Variants in CTNNAL1 observed in about 807,000 individuals in gnomAD.
CTNNAL1 encodes the protein catenin alpha like 1.
Under a neutral mutation model 93.6 loss-of-function variants are expected in CTNNAL1, and 69 were observed. The ratio of observed to expected loss-of-function variants is 0.74; its 90% CI spans 0.61 to 0.90. The LOEUF is 0.90. Among genes scored for constraint, CTNNAL1 ranks in the 40% least tolerant of loss-of-function variants. The pLI is 0.00. For missense variants in CTNNAL1, 836 were observed against 862.0 expected (o/e 0.97, Z 0.38); for synonymous variants, 286 against 305.4 (o/e 0.94, Z 0.66).
At chr9:108,996,774 C>G (rs1194845355) in intron 2 of CTNNAL1, among the ~76,000 whole-genome samples, 3 of 151,896 alleles carry the variant, frequency 2.0e-5, no homozygotes, top group Non-Finnish European at 2.9e-5. Flanking sequence ...AATATGAAGA[C>G]CATCTCTACA....
rs559800686 is a variant in CTNNAL1, at chr9:108,998,961, T to A, written c.331+106A>T. 67 of 1,312,486 alleles carry A rather than the reference T, an allele frequency of 5.1e-5. No individual in the cohort carries two copies. In the African/African-American group the frequency reaches 9.2e-4, roughly 18 times the overall value. The allele number at this position is 1,312,486 out of a possible 1,614,324, so 81.3% of individuals were successfully genotyped here. On this transcript the variant is annotated intron_variant, in intron 2 of 18. Transcript: ENST00000325551. ...AGGCCTTTAATGTCTGAGGCAGACA[T>A]AATCAAAGAGCTGTATATCTTTATT...
intron 10 of CTNNAL1, among the ~76,000 whole-genome samples, chr9:108,967,041 C>T (rs1262176272): frequency 6.6e-6 from 1 of 152,210 alleles, no homozygotes; most frequent in Non-Finnish European, 1.5e-5. Context: ...CTACCACTTT[C>T]ACCTTCTATT....
intron 8 of CTNNAL1, 35 bp from the exon 9 acceptor site, chr9:108,972,868 G>GGGGGGGCCCCCATGGGT: frequency 9.2e-7 from 1 of 1,092,792 alleles, no homozygotes; most frequent in Non-Finnish European, 1.2e-6. Flanking sequence ...GGGTGGGAGG[G>GGGGGGGCCCCCATGGGT]TGGAGAAGGA....
chr9:108,965,524 A>G lies in CTNNAL1; in HGVS notation c.1445T>C (p.Ile482Thr). ...ETFQVTGQQI[I>T]SAAETLTLHP... ...CAATGTCAATGTTTCAGCAGCAGAA[A>G]TTATCTAAAGAAACACAATATACAC... The change falls in exon 11 of 19, where the codon ATT becomes ACT. Residue 482 changes from isoleucine (I) to threonine (T), a missense_variant. Ile to Thr is a moderately conservative substitution (Grantham distance 89). Coordinates refer to ENST00000325551, the MANE Select transcript of CTNNAL1 (RefSeq NM_003798.4). 3.9e-6 allele frequency: 6 copies of G among 1,554,980 alleles called. No homozygotes were observed. The highest frequency in any genetic ancestry group is 5.2e-6 in the Non-Finnish European group (6 of 1,149,204).
chr9:108,951,030 G>T (rs1329886887), intron 14 of CTNNAL1, among the ~76,000 whole-genome samples: 1 of 151,664 alleles, frequency 6.6e-6, no homozygotes, highest in African/African-American at 2.4e-5. Context: ...TTATTTTTGA[G>T]ATGGAGTCTC....
intron 8 of CTNNAL1, among the ~76,000 whole-genome samples, chr9:108,974,777 T>C (rs891098772): frequency 1.3e-5 from 2 of 152,066 alleles, no homozygotes; most frequent in South Asian, 2.1e-4. Flanking sequence ...CAGTGAGCCA[T>C]GTTCACACCA....
chr9:108,972,653 CT>C, intron 9 of CTNNAL1, 21 bp downstream of exon 9: 1 of 1,592,248 alleles, frequency 6.3e-7, no homozygotes, highest in Non-Finnish European at 8.5e-7. Flanking sequence ...ACTACAATTT[CT>C]TTAGCACCTT....
intron 4 of CTNNAL1, among the ~76,000 whole-genome samples, chr9:108,989,259 G>A (rs536306237): frequency 2.0e-5 from 3 of 152,250 alleles, no homozygotes; most frequent in African/African-American, 2.4e-5. Flanking sequence ...CTCATGCCAC[G>A]CTTGCTCAAG....
At chr9:109,011,151 T>C (rs1827191722) in intron 1 of CTNNAL1, among the ~76,000 whole-genome samples, 1 of 152,232 alleles carries the variant, frequency 6.6e-6, no homozygotes. Context: ...CTCCTAACAC[T>C]GAAACTTTAA....
At chr9:109,001,097 A>T (rs1164778663) in intron 1 of CTNNAL1, among the ~76,000 whole-genome samples, 4 of 144,728 alleles carry the variant, frequency 2.8e-5, no homozygotes, top group Non-Finnish European at 6.0e-5. Flanking sequence ...GCTTGAACCC[A>T]GGAGGTGGGT....
intron 2 of CTNNAL1, among the ~76,000 whole-genome samples, chr9:108,996,873 C>T (rs1226198511): frequency 1.3e-5 from 2 of 152,196 alleles, no homozygotes; most frequent in East Asian, 3.8e-4. Flanking sequence ...TCTCCTCTTA[C>T]AAGCTGGTTT....
At chr9:108,980,799 T>C (rs1831405795) in intron 6 of CTNNAL1, among the ~76,000 whole-genome samples, 1 of 152,206 alleles carries the variant, frequency 6.6e-6, no homozygotes, top group African/African-American at 2.4e-5. Context: ...TCTCATACCA[T>C]TTATGTTAAG....
chr9:109,000,356 T>C (rs907231656), intron 1 of CTNNAL1, among the ~76,000 whole-genome samples: 3 of 152,168 alleles, frequency 2.0e-5, no homozygotes, highest in African/African-American at 7.2e-5. Flanking sequence ...TTACACAAAA[T>C]ATATTTGTTG....
chr9:108,956,594 T>A (rs1830693988), intron 11 of CTNNAL1, among the ~76,000 whole-genome samples: 1 of 152,200 alleles, frequency 6.6e-6, no homozygotes, highest in Non-Finnish European at 1.5e-5. Flanking sequence ...AATAGAATAG[T>A]TTGAACCATA....
chr9:108,983,423 C>A, intron 5 of CTNNAL1, 108 bp from the exon 6 acceptor site: 1 of 1,230,454 alleles, frequency 8.1e-7, no homozygotes, highest in Non-Finnish European at 1.0e-6. Flanking sequence ...TTACCAAAAT[C>A]TCCTGGGTCC....
rs774737953 is a variant in CTNNAL1, at chr9:108,965,402, T to C, written c.1567A>G (p.Asn523Asp). Residue 523 changes from asparagine to aspartate, a missense_variant, in exon 11 of 19, where the codon AAT (asparagine) becomes GAT (aspartate). By Grantham distance (23) the Asn-to-Asp change is conservative (BLOSUM62 1). Transcript: ENST00000325551. ...SDMSTLLREI[N>D]DVFEGRRGEK... The stretch of plus-strand genomic sequence containing the variant: ...CCTCGTCTTCCTTCAAACACGTCAT[T>C]GATTTCTCTCAGCAGTGTTGACATG... The C allele has an allele frequency of 2.6e-6, 4 of 1,539,270 alleles. No individual in the cohort carries two copies. Among genetic ancestry groups the C allele is most frequent in the Non-Finnish European group, 3.5e-6 (4 of 1,141,398 alleles).
At chr9:108,961,582 AT>A (rs1167212271) in intron 11 of CTNNAL1, among the ~76,000 whole-genome samples, 2 of 152,176 alleles carry the variant, frequency 1.3e-5, no homozygotes, top group African/African-American at 4.8e-5. Flanking sequence ...GGTAATGCTG[AT>A]TTTTTTTAAC....
At chr9:108,999,830 T>C (rs745518310) in intron 1 of CTNNAL1, among the ~76,000 whole-genome samples, 7 of 152,200 alleles carry the variant, frequency 4.6e-5, no homozygotes, top group Non-Finnish European at 5.9e-5. Flanking sequence ...CCGAGAGTTT[T>C]AACACTTGAT....
At chr9:108,997,570 C>T (rs1468266628) in intron 2 of CTNNAL1, among the ~76,000 whole-genome samples, 1 of 152,140 alleles carries the variant, frequency 6.6e-6, no homozygotes, top group African/African-American at 2.4e-5. Flanking sequence ...CATACAGGAC[C>T]GTGTATGATC....
Sources: gnomAD v4.1 joint callset for allele counts (sites outside exome capture counted in the v4.1 genomes callset) on GRCh38, gnomAD v4.1.1 for gene constraint, MANE v1.5 for transcripts, NCBI Gene and HGNC (gene_info 2026-07-23, HGNC 2026-07-21) for gene names.